LRP1B: variants seen among roughly 807,000 people sequenced by gnomAD.
LRP1B encodes the protein LDL receptor related protein 1B, also known as low-density lipoprotein receptor-related protein 1B.
LRP1B carries 217 observed loss-of-function variants against 556.6 expected under a neutral mutation model. The observed-to-expected ratio is 0.39, with a 90% CI of 0.35 to 0.44. The LOEUF (loss-of-function observed/expected upper bound fraction) is 0.44, where lower values mean the gene tolerates loss of function less well. LRP1B is among the 20% of genes least tolerant of loss of function. LRP1B has a pLI of 1.00. For synonymous variants in LRP1B, 2,047 were observed against 1,865.8 expected (o/e 1.10, Z -2.50); for missense variants, 5,053 against 5,620.8 (o/e 0.90, Z 3.23).
intron 2 of LRP1B, among the ~76,000 whole-genome samples, chr2:141,619,582 C>T (rs1375943002): frequency 1.3e-5 from 2 of 152,128 alleles, no homozygotes; most frequent in Non-Finnish European, 2.9e-5. Context: ...AATTTTCTCT[C>T]TTAAAAATAT....
intron 3 of LRP1B, among the ~76,000 whole-genome samples, chr2:141,290,296 G>A (rs552331222): frequency 3.3e-5 from 5 of 151,938 alleles, no homozygotes; most frequent in Admixed American, 6.6e-5. Flanking sequence ...ATTCAATATC[G>A]CCCACTAAGT....
intron 4 of LRP1B, among the ~76,000 whole-genome samples, chr2:141,253,319 C>T (rs1684337364): frequency 6.6e-6 from 1 of 152,178 alleles, no homozygotes; most frequent in African/African-American, 2.4e-5. Flanking sequence ...CTTAAAATGA[C>T]ATAATGACAT....
chr2:140,412,980 C>A (rs894179300), intron 66 of LRP1B, among the ~76,000 whole-genome samples: 1 of 151,996 alleles, frequency 6.6e-6, no homozygotes, highest in Non-Finnish European at 1.5e-5. Flanking sequence ...AGAGTATAAG[C>A]ATTTAACAGA....
chr2:141,122,124 G>C (rs541275706), intron 7 of LRP1B, among the ~76,000 whole-genome samples: 57 of 152,230 alleles, frequency 3.7e-4, no homozygotes, highest in African/African-American at 1.3e-3. Context: ...AGACTTAAAT[G>C]TTAGACCTAA....
At chr2:141,712,052 A>G (rs1257638816) in intron 2 of LRP1B, among the ~76,000 whole-genome samples, 1 of 152,150 alleles carries the variant, frequency 6.6e-6, no homozygotes, top group Non-Finnish European at 1.5e-5. Flanking sequence ...TGATATACGA[A>G]GTTGCTTACC....
intron 1 of LRP1B, among the ~76,000 whole-genome samples, chr2:141,872,129 T>C (rs1698609852): frequency 6.6e-6 from 1 of 151,822 alleles, no homozygotes; most frequent in South Asian, 2.1e-4. Context: ...AGACTAGAAG[T>C]CTTGAGGCAT....
chr2:141,389,662 G>A (rs780641307), intron 3 of LRP1B, among the ~76,000 whole-genome samples: 2 of 152,136 alleles, frequency 1.3e-5, no homozygotes, highest in Non-Finnish European at 2.9e-5. Flanking sequence ...ACCCTTTGGT[G>A]CATAAAAGGA....
chr2:141,764,991 C>T (rs1324821521), intron 2 of LRP1B, among the ~76,000 whole-genome samples: 1 of 152,078 alleles, frequency 6.6e-6, no homozygotes, highest in Non-Finnish European at 1.5e-5. Flanking sequence ...TGCAAGCTGT[C>T]CAAATCCTAT....
intron 6 of LRP1B, chr2:141,208,115 G>A (rs892483376): frequency 3.9e-5 from 6 of 152,242 alleles, no homozygotes; most frequent in African/African-American, 1.4e-4. Flanking sequence ...CATACTGACT[G>A]AGAATGTCTT....
At chr2:141,707,095 C>T (rs1692170311) in intron 2 of LRP1B, among the ~76,000 whole-genome samples, 1 of 152,090 alleles carries the variant, frequency 6.6e-6, no homozygotes, top group Non-Finnish European at 1.5e-5. Flanking sequence ...TGTCTACCGG[C>T]ATTAGGAAAA....
chr2:140,354,103 CCT>C (rs995305306), intron 75 of LRP1B, among the ~76,000 whole-genome samples: 174 of 152,134 alleles, frequency 1.1e-3, no homozygotes, highest in Non-Finnish European at 3.2e-4. Flanking sequence ...ATCTAATTTT[CCT>C]CTCTTTTCCT....
intron 7 of LRP1B, 126 bp from the exon 8 acceptor site, chr2:141,062,399 A>G (rs1353387038): frequency 8.1e-6 from 5 of 618,842 alleles, no homozygotes; most frequent in African/African-American, 3.7e-5. Context: ...TTGGCTTCAT[A>G]TAACCATTTC....
chr2:141,087,436 G>A (rs907298916), intron 7 of LRP1B, among the ~76,000 whole-genome samples: 1 of 152,106 alleles, frequency 6.6e-6, no homozygotes, highest in African/African-American at 2.4e-5. Context: ...CAATATCTTA[G>A]TGCAAAATTT....
chr2:140,504,368 G>C (rs1689318760), intron 53 of LRP1B, among the ~76,000 whole-genome samples: 1 of 152,024 alleles, frequency 6.6e-6, no homozygotes, highest in African/African-American at 2.4e-5. Flanking sequence ...TTCCAACTTT[G>C]ATCTTGCTGT....
At chr2:140,410,780 C>A (rs992085992) in intron 66 of LRP1B, among the ~76,000 whole-genome samples, 15 of 152,066 alleles carry the variant, frequency 9.9e-5, no homozygotes, top group Admixed American at 2.0e-4. Context: ...ATGTCATATC[C>A]TATTAGGTTT....
chr2:141,511,258 G>T (rs566585803), intron 2 of LRP1B, among the ~76,000 whole-genome samples: 3 of 152,034 alleles, frequency 2.0e-5, no homozygotes, highest in Non-Finnish European at 4.4e-5. Flanking sequence ...ACTAATTAGG[G>T]ATACAATCTT....
chr2:140,899,585 G>C (rs1694044380), intron 23 of LRP1B, among the ~76,000 whole-genome samples: 1 of 152,280 alleles, frequency 6.6e-6, no homozygotes, highest in East Asian at 1.9e-4. Flanking sequence ...AGGCTGGTAT[G>C]GTTAATCTAA....
At chr2:141,347,371 A>T (rs1688290961) in intron 3 of LRP1B, among the ~76,000 whole-genome samples, 1 of 152,064 alleles carries the variant, frequency 6.6e-6, no homozygotes, top group South Asian at 2.1e-4. Context: ...TCAAAAACAG[A>T]GCGGGTACTT....
chr2:140,310,711 T>A (rs1471471608), intron 83 of LRP1B, among the ~76,000 whole-genome samples: 3 of 151,682 alleles, frequency 2.0e-5, no homozygotes, highest in Non-Finnish European at 4.4e-5. Context: ...AAGAATGAAA[T>A]TAGAGCCCTA....
Sources: gnomAD v4.1 joint callset for allele counts (sites outside exome capture counted in the v4.1 genomes callset) on GRCh38, gnomAD v4.1.1 for gene constraint, MANE v1.5 for transcripts, NCBI Gene and HGNC (gene_info 2026-07-23, HGNC 2026-07-21) for gene names.